The following PCDH9 variants were observed in gnomAD, a reference collection of about 807,000 sequenced individuals.
PCDH9 encodes protocadherin-9.
A neutral mutation model predicts 70.6 loss-of-function variants in PCDH9; 24 were observed. The observed-to-expected ratio is 0.34, with a 90% CI of 0.25 to 0.48. PCDH9 has a LOEUF of 0.48. PCDH9 is among the 20% of genes least tolerant of loss of function. The pLI is 0.99. For missense variants in PCDH9, 1,281 were observed against 1,503.6 expected (o/e 0.85, Z 2.45); for synonymous variants, 562 against 558.5 (o/e 1.01, Z -0.09).
intron 4 of PCDH9, among the ~76,000 whole-genome samples, chr13:66,533,570 A>G (rs963177257): frequency 2.6e-5 from 4 of 152,156 alleles, no homozygotes; most frequent in Non-Finnish European, 5.9e-5. Context: ...TTAAGACATT[A>G]GTCAATTAAT....
At chr13:66,786,808 T>C (rs1566193831) in intron 3 of PCDH9, among the ~76,000 whole-genome samples, 1 of 152,088 alleles carries the variant, frequency 6.6e-6, no homozygotes, top group Non-Finnish European at 1.5e-5. Context: ...CGTTAGTATT[T>C]GGGAAAATTT....
intron 3 of PCDH9, among the ~76,000 whole-genome samples, chr13:66,832,189 A>G (rs1213538608): frequency 1.3e-5 from 2 of 152,186 alleles, no homozygotes; most frequent in East Asian, 3.8e-4. Flanking sequence ...ATTAATGATT[A>G]TAAATAAAAA....
chr13:67,224,791 A>G, intron 2 of PCDH9: 1 of 881,130 alleles, frequency 1.1e-6, no homozygotes, highest in Non-Finnish European at 1.4e-6. Flanking sequence ...TCTTTCTATT[A>G]AGTACCGAAT....
chr13:66,696,371 A>C (rs1369381874), intron 3 of PCDH9, among the ~76,000 whole-genome samples: 1 of 152,216 alleles, frequency 6.6e-6, no homozygotes, highest in African/African-American at 2.4e-5. Flanking sequence ...GATAACTGAA[A>C]TATTAATCTG....
At chr13:66,587,951 T>C (rs1049492046) in intron 4 of PCDH9, among the ~76,000 whole-genome samples, 7 of 152,108 alleles carry the variant, frequency 4.6e-5, no homozygotes, top group Non-Finnish European at 7.3e-5. Context: ...TGCTTTTGGT[T>C]GAATGTCGCT....
chr13:66,869,578 T>A (rs1207357750), intron 3 of PCDH9, among the ~76,000 whole-genome samples: 1 of 152,172 alleles, frequency 6.6e-6, no homozygotes, highest in Non-Finnish European at 1.5e-5. Context: ...TGCTGTTCTC[T>A]AACATAATTA....
chr13:67,172,251 G>C lies in PCDH9; in HGVS notation c.3036+53154C>G, dbSNP rs558933003. On this transcript the variant is annotated intron_variant, in intron 2 of 4. Transcript: ENST00000377865. ...ATCCCCTGGGAGAAAGTAGAACGTT[G>C]GAAGGCACACTTTTCTGCTTAGCCA... Among the ~76,000 whole-genome samples, 4 of 152,224 alleles carry C rather than the reference G, an allele frequency of 2.6e-5. No homozygotes were observed. In the South Asian group the frequency reaches 8.3e-4, roughly 32 times the overall value.
At chr13:67,135,042 T>A (rs1488213059) in intron 2 of PCDH9, among the ~76,000 whole-genome samples, 1 of 152,128 alleles carries the variant, frequency 6.6e-6, no homozygotes, top group African/African-American at 2.4e-5. Flanking sequence ...ATAAGAAAGA[T>A]TAACATTATC....
chr13:67,180,127 T>C (rs2138478998), intron 2 of PCDH9, among the ~76,000 whole-genome samples: 2 of 152,294 alleles, frequency 1.3e-5, no homozygotes, highest in East Asian at 3.9e-4. Flanking sequence ...AGCTAATGAC[T>C]ATTTTATTTA....
At position 66,409,620 on chromosome 13, in the gene PCDH9, A is replaced by G. The variant is rs969672495; in HGVS notation, c.3341-104592T>C. Among the ~76,000 whole-genome samples the G allele has an allele frequency of 2.0e-5, 3 of 152,148 alleles. No individual in the cohort carries two copies. The East Asian group carries it at 5.8e-4, about 29-fold the overall frequency. On this transcript the variant is annotated intron_variant, in intron 4 of 4. Coordinates refer to ENST00000377865, the MANE Select transcript of PCDH9 (RefSeq NM_203487.3). ...CACCGAAACTAGATTTCTCCAACAT[A>G]CTCATCCCCAAAATTGAAAGCCACT...
intron 2 of PCDH9, among the ~76,000 whole-genome samples, chr13:67,044,825 T>C (rs2085191642): frequency 6.6e-6 from 1 of 152,016 alleles, no homozygotes; most frequent in African/African-American, 2.4e-5. Context: ...AGAAAATGAA[T>C]GAAATGGGAA....
intron 2 of PCDH9, among the ~76,000 whole-genome samples, chr13:66,983,353 C>A (rs192685862): frequency 1.7e-4 from 26 of 151,900 alleles, no homozygotes; most frequent in Admixed American, 1.4e-3. Flanking sequence ...CGATTACTTA[C>A]AATGAAAGAA....
At chr13:67,184,039 T>C (rs1385490614) in intron 2 of PCDH9, among the ~76,000 whole-genome samples, 1 of 152,232 alleles carries the variant, frequency 6.6e-6, no homozygotes, top group Admixed American at 6.5e-5. Context: ...GTATCCTGAA[T>C]GTTGCATTTG....
At chr13:66,812,417 T>C (rs1236414530) in intron 3 of PCDH9, among the ~76,000 whole-genome samples, 2 of 152,290 alleles carry the variant, frequency 1.3e-5, no homozygotes, top group South Asian at 2.1e-4. Flanking sequence ...AAGATTTTAA[T>C]ATTTAAATAA....
At chr13:66,538,626 CT>C (rs34114606) in intron 4 of PCDH9, among the ~76,000 whole-genome samples, 34,874 of 147,586 alleles carry the variant, frequency 0.24, 4,529 homozygotes, top group South Asian at 0.35. Context: ...GGGGGTCAAT[CT>C]TTTTTTTTTT....
chr13:67,134,587 G>A (rs1487126787), intron 2 of PCDH9, among the ~76,000 whole-genome samples: 1 of 151,954 alleles, frequency 6.6e-6, no homozygotes, highest in African/African-American at 2.4e-5. Flanking sequence ...TTAAAAGCTT[G>A]TTTTTCTTCC....
At chr13:66,764,007 C>T (rs2139257109) in intron 3 of PCDH9, among the ~76,000 whole-genome samples, 1 of 151,964 alleles carries the variant, frequency 6.6e-6, no homozygotes, top group East Asian at 1.9e-4. Context: ...TCATGTTGGC[C>T]AGGCTCGTTT....
At chr13:66,636,968 TA>T (rs2077646405) in intron 3 of PCDH9, among the ~76,000 whole-genome samples, 1 of 152,114 alleles carries the variant, frequency 6.6e-6, no homozygotes, top group East Asian at 1.9e-4. Context: ...CAAAGAGGGT[TA>T]AAAAATATAG....
chr13:66,785,482 T>G (rs1225156772), intron 3 of PCDH9, among the ~76,000 whole-genome samples: 1 of 152,036 alleles, frequency 6.6e-6, no homozygotes, highest in Non-Finnish European at 1.5e-5. Context: ...GATTAATAAA[T>G]TTCTCCTTAT....
Sources: gnomAD v4.1 joint callset for allele counts (sites outside exome capture counted in the v4.1 genomes callset) on GRCh38, gnomAD v4.1.1 for gene constraint, MANE v1.5 for transcripts, NCBI Gene and HGNC (gene_info 2026-07-23, HGNC 2026-07-21) for gene names.